Variants in ZYG11A observed in about 807,000 individuals in gnomAD.
ZYG11A encodes the protein zyg-11 family member A, cell cycle regulator.
In ZYG11A, 62 loss-of-function variants were observed where a neutral mutation model predicts 77.2. The ratio of observed to expected loss-of-function variants is 0.80; its 90% CI spans 0.65 to 0.99. The LOEUF (loss-of-function observed/expected upper bound fraction) is 0.99. Ranked by LOEUF, ZYG11A falls within the 50% of genes least tolerant of loss-of-function variation. The pLI, the probability that ZYG11A is intolerant of heterozygous loss-of-function variation, is 0.00. For synonymous variants in ZYG11A, 315 were observed against 324.6 expected, an observed-to-expected ratio of 0.97 and a Z score of 0.32; for missense variants, 828 against 896.8, an observed-to-expected ratio of 0.92 and a Z score of 0.98.
Position 52,891,190 on chromosome 1 carries a change from G to A in ZYG11A, c.2105-1592G>A, listed in dbSNP as rs551149429. On this transcript the variant is annotated intron_variant, in intron 13 of 13. Coordinates refer to ENST00000371528, the MANE Select transcript of ZYG11A (RefSeq NM_001004339.3). ...GCTGGGATTATAGGTGTGAGCCACCGTACCCAGCCAACTGGGTCTAAATCT... is the reference window on the plus strand; with the variant it reads ...GCTGGGATTATAGGTGTGAGCCACCATACCCAGCCAACTGGGTCTAAATCT... Among the ~76,000 whole-genome samples the A allele has an allele frequency of 9.0e-4, 137 of 152,062 alleles. 5 individuals carry two copies. Among genetic ancestry groups the A allele is most frequent in the African/African-American group, 3.2e-3 (133 of 41,354 alleles).
rs375836236 is a variant in ZYG11A at position 52,857,083 on chromosome 1, T to C, written c.342T>C (p.Ser114=). 6.4e-7 allele frequency: 1 copy of C among 1,551,624 alleles called. No homozygotes were observed. Among genetic ancestry groups the C allele is most frequent in the South Asian group, 1.2e-5 (1 of 84,054 alleles). Residue 114 remains serine (S), a synonymous_variant, in exon 3 of 14, where the codon TCT becomes TCC. Transcript: ENST00000371528. ...KLVNIQKAKI[S]TAAFIKAFCR... is the part of the protein sequence containing the mutation. ...TCAATATCCAAAAAGCTAAAATCTCTACAGCTGCATTCATAAAAGCCTTCT... is the reference window on the plus strand; with the variant it reads ...TCAATATCCAAAAAGCTAAAATCTCCACAGCTGCATTCATAAAAGCCTTCT...
At chr1:52,884,321 C>G (rs1267575063) in intron 11 of ZYG11A, among the ~76,000 whole-genome samples, 1 of 151,952 alleles carries the variant, frequency 6.6e-6, no homozygotes, top group Non-Finnish European at 1.5e-5. Flanking sequence ...ATGGTGAAAC[C>G]CTGCCTCTAC....
rs534473173 is a variant in ZYG11A, at chr1:52,848,557, T to G, written c.90+5584T>G. On this transcript the variant is annotated intron_variant, in intron 1 of 13. Coordinates refer to ENST00000371528, the MANE Select transcript of ZYG11A (RefSeq NM_001004339.3). ...CTTGCTTTGTTGCCCAGGCCAGTCT[T>G]GAGCTCTGGTCTCAAGCAGTCCTCC... Among the ~76,000 whole-genome samples, 28 of 152,282 alleles carry G rather than the reference T, an allele frequency of 1.8e-4. No homozygotes were observed. The South Asian group carries it at 1.9e-3, about 10-fold the overall frequency.
chr1:52,873,323 A>G (rs1646203478), intron 8 of ZYG11A, among the ~76,000 whole-genome samples: 1 of 152,218 alleles, frequency 6.6e-6, no homozygotes, highest in South Asian at 2.1e-4. Flanking sequence ...AAAAACAAAC[A>G]AAAATAATAT....
intron 13 of ZYG11A, among the ~76,000 whole-genome samples, chr1:52,891,978 C>T (rs1419148938): frequency 6.6e-6 from 1 of 151,544 alleles, no homozygotes; most frequent in Admixed American, 6.6e-5. Context: ...CGGCTCACTG[C>T]AAGCTCACCT....
chr1:52,862,314 GTTTT>G (rs1277355334), intron 4 of ZYG11A, among the ~76,000 whole-genome samples: 1 of 138,258 alleles, frequency 7.2e-6, no homozygotes, highest in South Asian at 2.4e-4. Flanking sequence ...TTTTTTTTTG[GTTTT>G]TTTTTTTTTT....
chr1:52,880,671 G>C (rs1431158121), intron 10 of ZYG11A, among the ~76,000 whole-genome samples: 1 of 152,168 alleles, frequency 6.6e-6, no homozygotes, highest in Non-Finnish European at 1.5e-5. Context: ...GTTGGAGGAG[G>C]GAGAAGCCCA....
intron 10 of ZYG11A, among the ~76,000 whole-genome samples, chr1:52,880,256 G>A (rs1447199993): frequency 6.6e-6 from 1 of 151,884 alleles, no homozygotes; most frequent in Non-Finnish European, 1.5e-5. Context: ...CAGGCGTGGG[G>A]GGGACATCTC....
chr1:52,881,843 T>G, intron 11 of ZYG11A, 178 bp downstream of exon 11: 3 of 506,474 alleles, frequency 5.9e-6, no homozygotes, highest in East Asian at 3.3e-5. Context: ...GCATATGACT[T>G]ACTTCGGTCC....
At chr1:52,854,900 C>T (rs1423155403) in intron 2 of ZYG11A, among the ~76,000 whole-genome samples, 6 of 151,876 alleles carry the variant, frequency 4.0e-5, no homozygotes, top group African/African-American at 1.2e-4. Flanking sequence ...GGATTTTCAC[C>T]CTTGTCGCCA....
In ZYG11A at chr1:52,877,794, A is replaced by T; in HGVS notation, c.1655A>T (p.Lys552Met). Residue 552 changes from lysine (K) to methionine (M), a missense_variant, in exon 9 of 14, where the codon AAG becomes ATG. By Grantham distance (95) the Lys-to-Met change is moderately conservative (BLOSUM62 -1). Coordinates refer to ENST00000371528, the MANE Select transcript of ZYG11A (RefSeq NM_001004339.3). ...NLTDGSPAACKHFIENQGLQI... is the reference protein window; with the variant it reads ...NLTDGSPAACMHFIENQGLQI... ...ACAGATGGGTCTCCAGCTGCCTGCA[A>T]GCACTTCATTGAAAATCAAGGATTG... 1 of 1,551,802 alleles carries T rather than the reference A, an allele frequency of 6.4e-7. No homozygotes were observed. Among genetic ancestry groups the T allele is most frequent in the South Asian group, 1.2e-5 (1 of 84,014 alleles).
In ZYG11A at chr1:52,867,573, TG is replaced by T; in HGVS notation, c.1427del (p.Cys476LeufsTer13). The T allele has an allele frequency of 1.9e-6, 3 of 1,552,356 alleles. No homozygotes were observed. The South Asian group carries it at 3.6e-5, about 18-fold the overall frequency. ...TGCCAAGTTTGTCATGAGATGGCTCTGTAAGCATGAAAACCCCAAGATGCAA... is the reference window on the plus strand; with the variant it reads ...TGCCAAGTTTGTCATGAGATGGCTCTTAAGCATGAAAACCCCAAGATGCAA... ...DAAKFVMRWL[C>X]KHENPKMQTM... On this transcript the variant is annotated frameshift_variant, in exon 7 of 14. Transcript: ENST00000371528. LOFTEE classifies it high-confidence loss of function.
chr1:52,873,694 A>G (rs1646209944), intron 8 of ZYG11A, among the ~76,000 whole-genome samples: 1 of 152,152 alleles, frequency 6.6e-6, no homozygotes, highest in Admixed American at 6.5e-5. Context: ...CAAATTTGAA[A>G]GAAGTTCTAG....
At chr1:52,881,775 A>G (rs1030612093) in intron 11 of ZYG11A, 110 bp downstream of exon 11, 1 of 863,010 alleles carries the variant, frequency 1.2e-6, no homozygotes, top group Non-Finnish European at 1.7e-6. Flanking sequence ...AAAATAGAGA[A>G]AAACTTATTA....
chr1:52,884,485 G>C (rs1332766736), intron 11 of ZYG11A, among the ~76,000 whole-genome samples: 1 of 116,926 alleles, frequency 8.6e-6, no homozygotes, highest in Non-Finnish European at 1.8e-5. Flanking sequence ...AACAGAGCGA[G>C]ACTGCCTCAA....
chr1:52,868,215 C>T (rs1047982813), intron 8 of ZYG11A, among the ~76,000 whole-genome samples: 6 of 151,804 alleles, frequency 4.0e-5, no homozygotes, highest in Non-Finnish European at 5.9e-5. Flanking sequence ...CTGCGTGCCT[C>T]GGCATCCCAA....
At position 52,842,937 on chromosome 1, in the gene ZYG11A, C is replaced by G. The variant is rs1210620737; in HGVS notation, c.54C>G (p.Asp18Glu). The change falls in exon 1 of 14, where the codon GAC becomes GAG. Residue 18 changes from aspartate (D) to glutamate (E), a missense_variant. Asp to Glu is a conservative substitution (Grantham distance 45). Transcript: ENST00000371528. ...GHTPRNIVPP[D>E]AQKDALGCCV... ...CGCCCCGGAACATCGTCCCTCCTGACGCTCAGAAGGATGCCCTGGGCTGCT... is the reference window on the plus strand; with the variant it reads ...CGCCCCGGAACATCGTCCCTCCTGAGGCTCAGAAGGATGCCCTGGGCTGCT... 6.5e-7 allele frequency: 1 copy of G among 1,529,884 alleles called. No homozygotes were observed. The highest frequency in any genetic ancestry group is 1.2e-5 in the South Asian group (1 of 81,546). The allele number at this position is 1,529,884 out of a possible 1,614,324, so 94.8% of individuals were successfully genotyped here. A position where few individuals can be genotyped will look rare whatever the true frequency, so the allele number is the denominator to read the frequency against.
intron 4 of ZYG11A, among the ~76,000 whole-genome samples, chr1:52,861,409 A>G (rs1016749101): frequency 3.4e-4 from 52 of 152,168 alleles, no homozygotes; most frequent in African/African-American, 1.3e-3. Context: ...CCTTGTCTTT[A>G]TTTGTAATTT....
At position 52,857,433 on chromosome 1, in the gene ZYG11A, A is replaced by T. The variant is rs1441094693; in HGVS notation, c.692A>T (p.Lys231Met). 1.9e-6 allele frequency: 3 copies of T among 1,552,000 alleles called. No homozygotes were observed. The highest frequency in any genetic ancestry group is 2.6e-6 in the Non-Finnish European group (3 of 1,147,064). The change falls in exon 3 of 14, where the codon AAG (lysine) becomes ATG (methionine). Residue 231 changes from lysine (K) to methionine (M), a missense_variant. Transcript: ENST00000371528. ...SALLTCKDRL[K>M]SLTMHYLKCL... The stretch of plus-strand genomic sequence containing the variant: ...CTGCTTACCTGTAAGGATCGATTGA[A>T]GTCTCTCACAATGCACTATCTGAAA...
Sources: gnomAD v4.1 joint callset for allele counts (sites outside exome capture counted in the v4.1 genomes callset) on GRCh38, gnomAD v4.1.1 for gene constraint, MANE v1.5 for transcripts, NCBI Gene and HGNC (gene_info 2026-07-23, HGNC 2026-07-21) for gene names.